Variants in ITPK1 observed in about 807,000 individuals in gnomAD.
The protein encoded by ITPK1 is inositol 1,3,4-trisphosphate 5/6-kinase.
A neutral mutation model predicts 45.3 loss-of-function variants in ITPK1; 21 were observed. That is an observed-to-expected ratio of 0.46 (90% CI 0.33 to 0.67). The LOEUF is 0.67. Ranked by LOEUF, ITPK1 falls within the 30% of genes least tolerant of loss-of-function variation. The probability of loss-of-function intolerance (pLI) is 0.02; values close to 1 mark genes in which losing one functional copy is unlikely to be tolerated. For missense variants in ITPK1, 474 were observed against 573.5 expected (o/e 0.83, Z 1.77); for synonymous variants, 258 against 253.6 (o/e 1.02, Z -0.16).
chr14:93,059,479 AG>A (rs1340630803), intron 3 of ITPK1, among the ~76,000 whole-genome samples: 1 of 22,912 alleles, frequency 4.4e-5, no homozygotes, highest in East Asian at 1.1e-3. Context: ...GCAGGGGTGG[AG>A]GGGGTGCGGG....
At chr14:92,967,289 C>G (rs1054422762) in intron 5 of ITPK1, among the ~76,000 whole-genome samples, 3 of 152,128 alleles carry the variant, frequency 2.0e-5, no homozygotes, top group African/African-American at 7.2e-5. Context: ...AGAAAGTTCT[C>G]AAAACAAGAC....
chr14:93,086,761 C>T (rs367654303), intron 2 of ITPK1, among the ~76,000 whole-genome samples: 5 of 152,356 alleles, frequency 3.3e-5, no homozygotes, highest in African/African-American at 1.2e-4. Context: ...GCCTGCTAAG[C>T]ACCAGGAGAA....
At chr14:93,109,950 G>A (rs989403697) in intron 2 of ITPK1, among the ~76,000 whole-genome samples, 4 of 152,178 alleles carry the variant, frequency 2.6e-5, no homozygotes, top group Admixed American at 6.5e-5. Context: ...CCACAGGGAC[G>A]ACGACAGCAG....
chr14:92,970,865 G>A (rs1270964059), intron 5 of ITPK1, among the ~76,000 whole-genome samples: 1 of 152,096 alleles, frequency 6.6e-6, no homozygotes, highest in African/African-American at 2.4e-5. Flanking sequence ...TCGATCTCCT[G>A]ACCCCGTGAT....
chr14:93,112,937 T>A (rs1432893403), intron 2 of ITPK1, among the ~76,000 whole-genome samples: 1 of 152,198 alleles, frequency 6.6e-6, no homozygotes, highest in African/African-American at 2.4e-5. Context: ...CGGGGCTCCC[T>A]GGTCACTGGC....
intron 8 of ITPK1, among the ~76,000 whole-genome samples, chr14:92,957,567 G>A (rs1039068540): frequency 6.6e-5 from 10 of 152,182 alleles, no homozygotes; most frequent in African/African-American, 1.9e-4. Flanking sequence ...CAGGCCCAGC[G>A]ACAACAGCAT....
At position 93,014,040 on chromosome 14, in the gene ITPK1, A is replaced by G. The variant is rs555478918; in HGVS notation, c.246+2636T>C. On this transcript the variant is annotated intron_variant, in intron 4 of 10. Transcript: ENST00000267615. The surrounding 1 kb of genome is among the most constrained non-coding windows in gnomAD (Gnocchi z 4.4). Reference sequence around the variant, plus strand: ...AGTGCAGCCCCGCACCCTTTTCTCCAAAGGATTGTTCTCCTCACAAAGGAG... The same window carrying G: ...AGTGCAGCCCCGCACCCTTTTCTCCGAAGGATTGTTCTCCTCACAAAGGAG... 3.3e-4 allele frequency among the ~76,000 whole-genome samples: 51 copies of G among 152,280 alleles called. No individual in the cohort carries two copies. The highest frequency in any genetic ancestry group is 1.2e-3 in the African/African-American group (51 of 41,560).
intron 2 of ITPK1, among the ~76,000 whole-genome samples, chr14:93,083,165 C>A (rs749731337): frequency 2.2e-4 from 33 of 152,154 alleles, no homozygotes; most frequent in Non-Finnish European, 4.3e-4. Context: ...ATCCACGCCA[C>A]CACCAAGCCA....
chr14:92,939,832 CTT>C lies in ITPK1; in HGVS notation c.*1727_*1728del. On this transcript the variant is annotated 3_prime_UTR_variant, in exon 11 of 11. Transcript: ENST00000267615. ...AGGACTGGGAGTATGACATAACAAA[CTT>C]GAGCAACATGTGTAAACACGTGTGA... is the stretch of plus-strand genomic sequence containing the variant. 1.0e-6 allele frequency: 1 copy of C among 985,814 alleles called. No homozygotes were observed. Among genetic ancestry groups the C allele is most frequent in the Non-Finnish European group, 1.2e-6 (1 of 829,948 alleles). The allele number at this position is 985,814 out of a possible 1,614,324, so 61.1% of individuals were successfully genotyped here. A position where few individuals can be genotyped will look rare whatever the true frequency, so the allele number is the denominator to read the frequency against.
chr14:93,092,642 C>T (rs532489960), intron 2 of ITPK1, among the ~76,000 whole-genome samples: 64 of 152,354 alleles, frequency 4.2e-4, no homozygotes, highest in South Asian at 8.3e-4. Context: ...TCTTGGAAGA[C>T]GAGAGTAGTA....
chr14:93,088,066 C>T (rs1891717090), intron 2 of ITPK1, among the ~76,000 whole-genome samples: 1 of 152,176 alleles, frequency 6.6e-6, no homozygotes, highest in Admixed American at 6.5e-5. Flanking sequence ...AAACAGGCAG[C>T]GCTTCATCGG....
rs1198391920 is a variant in ITPK1 at position 92,940,100 on chromosome 14, T to C, written c.*1461A>G. 2 of 985,656 alleles carry C rather than the reference T, an allele frequency of 2.0e-6. No homozygotes were observed. Among genetic ancestry groups the C allele is most frequent in the Non-Finnish European group, 1.2e-6 (1 of 830,036 alleles). The allele number at this position is 985,656 out of a possible 1,614,324, so 61.1% of individuals were successfully genotyped here. On this transcript the variant is annotated 3_prime_UTR_variant, in exon 11 of 11. Transcript: ENST00000267615. ...AAGCCCTGTGCCTCCCTCCTCAAAG[T>C]GGGCATCCTGCAGCCCAGCTGAGCC...
Position 93,012,895 on chromosome 14 carries a change from A to G in ITPK1, c.246+3781T>C, listed in dbSNP as rs1887983721. On this transcript the variant is annotated intron_variant, in intron 4 of 10. Transcript: ENST00000267615. The surrounding 1 kb of genome is among the most constrained non-coding windows in gnomAD (Gnocchi z 4.9). The stretch of plus-strand genomic sequence containing the variant: ...TGGATCACAATCACAGCACCCCTTC[A>G]GGGGCAATTCCAGGGCTAGAAGGGG... Among the ~76,000 whole-genome samples the G allele has an allele frequency of 1.3e-5, 2 of 152,206 alleles. No homozygotes were observed. The highest frequency in any genetic ancestry group is 2.9e-5 in the Non-Finnish European group (2 of 68,024).
chr14:92,974,199 G>A (rs1241833400), intron 5 of ITPK1, among the ~76,000 whole-genome samples: 3 of 152,202 alleles, frequency 2.0e-5, no homozygotes, highest in Non-Finnish European at 4.4e-5. Context: ...TGCAGGGGCT[G>A]GCACTGAGCA....
At chr14:93,046,796 A>G (rs1740593) in intron 3 of ITPK1, among the ~76,000 whole-genome samples, 120,124 of 152,156 alleles carry the variant, frequency 0.79, 48,302 homozygotes, top group African/African-American at 0.95. Context: ...ATCAAAGCTC[A>G]GTCACTAGCT....
Position 92,998,563 on chromosome 14 carries a change from C to T in ITPK1, c.247-4566G>A, listed in dbSNP as rs555872879. On this transcript the variant is annotated intron_variant, in intron 4 of 10. Coordinates refer to ENST00000267615, the MANE Select transcript of ITPK1 (RefSeq NM_014216.6). ...GGCAGGGACAGAAGTAGGTGAGGGA[C>T]GGATGAAATGAGAGTGGCTGCAGCT... 3.2e-4 allele frequency among the ~76,000 whole-genome samples: 49 copies of T among 152,278 alleles called. 1 individual carries two copies. The highest frequency in any genetic ancestry group is 6.0e-4 in the Non-Finnish European group (41 of 68,024).
intron 2 of ITPK1, among the ~76,000 whole-genome samples, chr14:93,083,749 G>A (rs1164002119): frequency 6.6e-6 from 1 of 152,098 alleles, no homozygotes; most frequent in Non-Finnish European, 1.5e-5. Context: ...TGTGTTGATG[G>A]CCACACTGTT....
chr14:93,022,916 A>C (rs2139870631), intron 3 of ITPK1, among the ~76,000 whole-genome samples: 1 of 152,370 alleles, frequency 6.6e-6, no homozygotes, highest in East Asian at 1.9e-4. Context: ...GATAGAGATA[A>C]GAGTAGGTGC....
intron 3 of ITPK1, among the ~76,000 whole-genome samples, chr14:93,023,107 T>C (rs1888553756): frequency 1.3e-5 from 2 of 152,222 alleles, no homozygotes; most frequent in South Asian, 4.1e-4. Context: ...CTTGAACTCC[T>C]GATCTCATGT....
Sources: allele counts gnomAD v4.1 joint callset (sites outside exome capture counted in the v4.1 genomes callset), GRCh38; gene constraint gnomAD v4.1.1; non-coding constraint Gnocchi (gnomAD v3.1); transcripts MANE v1.5; gene names NCBI Gene and HGNC (gene_info 2026-07-23, HGNC 2026-07-21).